The following GPHN variants were observed in gnomAD, a reference collection of about 807,000 sequenced individuals.
GPHN encodes gephyrin.
Under a neutral mutation model 95.5 loss-of-function variants are expected in GPHN, and 17 were observed. That is an observed-to-expected ratio of 0.18 (90% CI 0.12 to 0.27). GPHN has a LOEUF of 0.27. GPHN is among the 10% of genes least tolerant of loss of function. The pLI is 1.00. For missense variants in GPHN, 660 were observed against 978.1 expected (o/e 0.67, Z 4.34); for synonymous variants, 320 against 322.5 (o/e 0.99, Z 0.08).
chr14:66,816,334 AAAC>A (rs1484733672), intron 3 of GPHN, among the ~76,000 whole-genome samples: 7 of 152,182 alleles, frequency 4.6e-5, no homozygotes, highest in African/African-American at 1.4e-4. Flanking sequence ...CTCCACGTAA[AAAC>A]AACAGAATTT....
At chr14:67,409,348 G>T in the GPHN span, among the ~76,000 whole-genome samples, 1 of 152,164 alleles carries the variant, frequency 6.6e-6, no homozygotes, top group Non-Finnish European at 1.5e-5. Context: ...TTTGAGACCA[G>T]CCTGGGCAAC....
At chr14:66,590,198 A>C (rs929085285) in intron 1 of GPHN, among the ~76,000 whole-genome samples, 2 of 152,178 alleles carry the variant, frequency 1.3e-5, no homozygotes, top group African/African-American at 2.4e-5. Flanking sequence ...AATTTATAGC[A>C]CTAAATGCCC....
chr14:67,204,881 C>T, the GPHN span: 1 of 1,613,936 alleles, frequency 6.2e-7, no homozygotes, highest in Non-Finnish European at 8.5e-7. Context: ...ATAGATTTCC[C>T]AGAATTCACA....
At chr14:66,966,477 A>G (rs2069336092) in intron 9 of GPHN, among the ~76,000 whole-genome samples, 1 of 152,066 alleles carries the variant, frequency 6.6e-6, no homozygotes, top group East Asian at 1.9e-4. Flanking sequence ...AACATTGTAG[A>G]CATTAAATGT....
At chr14:67,015,363 T>G (rs1024465137) in intron 9 of GPHN, among the ~76,000 whole-genome samples, 1 of 152,094 alleles carries the variant, frequency 6.6e-6, no homozygotes, top group African/African-American at 2.4e-5. Flanking sequence ...CTTATAAATA[T>G]TGTCTATTTG....
At chr14:67,338,486 T>TA in the GPHN span, 1 of 946,690 alleles carries the variant, frequency 1.1e-6, no homozygotes, top group African/African-American at 1.7e-5. Context: ...ATCCCATAAA[T>TA]AGACATCTAG....
the GPHN span, among the ~76,000 whole-genome samples, chr14:67,322,532 A>C: frequency 3.3e-5 from 5 of 152,202 alleles, no homozygotes; most frequent in Non-Finnish European, 7.3e-5. Context: ...AGAGATGTAC[A>C]TAAAGGAGAA....
At chr14:66,968,223 G>A (rs1567162974) in intron 9 of GPHN, among the ~76,000 whole-genome samples, 1 of 151,922 alleles carries the variant, frequency 6.6e-6, no homozygotes, top group Non-Finnish European at 1.5e-5. Context: ...ATACTGGGTA[G>A]ACAATAATGT....
the GPHN span, among the ~76,000 whole-genome samples, chr14:67,500,523 C>G: frequency 6.6e-6 from 1 of 151,802 alleles, no homozygotes. Context: ...CTTTAGATTC[C>G]TTTATTGTGC....
the GPHN span, among the ~76,000 whole-genome samples, chr14:67,240,912 A>G: frequency 6.6e-6 from 1 of 152,274 alleles, no homozygotes; most frequent in Non-Finnish European, 1.5e-5. Context: ...TTTAAAAAAA[A>G]CAAATGTTAG....
At chr14:67,097,650 A>G (rs2077467024) in intron 12 of GPHN, among the ~76,000 whole-genome samples, 1 of 152,030 alleles carries the variant, frequency 6.6e-6, no homozygotes, top group African/African-American at 2.4e-5. Flanking sequence ...ATGACTCTCC[A>G]GTGTAGCTCA....
chr14:66,573,504 GCA>G (rs931842945), intron 1 of GPHN, among the ~76,000 whole-genome samples: 2 of 149,844 alleles, frequency 1.3e-5, no homozygotes, highest in Non-Finnish European at 3.0e-5. Flanking sequence ...CCAGGCTGGA[GCA>G]CAGTGGTGCG....
At chr14:66,589,122 C>T (rs2061538515) in intron 1 of GPHN, among the ~76,000 whole-genome samples, 1 of 152,102 alleles carries the variant, frequency 6.6e-6, no homozygotes, top group South Asian at 2.1e-4. Flanking sequence ...AATTGCATAT[C>T]CAGCCAAATT....
the GPHN span, among the ~76,000 whole-genome samples, chr14:67,575,196 C>A: frequency 6.6e-6 from 1 of 152,078 alleles, no homozygotes; most frequent in Non-Finnish European, 1.5e-5. Flanking sequence ...CTGAATAGCC[C>A]ATGATGGCTG....
intron 9 of GPHN, among the ~76,000 whole-genome samples, chr14:66,983,896 C>T (rs2070849912): frequency 6.6e-6 from 1 of 152,130 alleles, no homozygotes; most frequent in Non-Finnish European, 1.5e-5. Context: ...AATTTTTTTC[C>T]ATCCCATATA....
the GPHN span, among the ~76,000 whole-genome samples, chr14:67,491,864 C>G: frequency 6.6e-6 from 1 of 152,282 alleles, no homozygotes; most frequent in Non-Finnish European, 1.5e-5. Context: ...CTGTCCAGCT[C>G]CCCCAGGAAG....
chr14:66,991,548 G>A (rs189591910), intron 9 of GPHN, among the ~76,000 whole-genome samples: 3 of 150,956 alleles, frequency 2.0e-5, no homozygotes, highest in South Asian at 2.1e-4. Context: ...ACTTTGTTCC[G>A]ATTACCTTGT....
At chr14:66,539,409 C>CTTTTTTTTTTT (rs1000117893) in intron 1 of GPHN, among the ~76,000 whole-genome samples, 8 of 101,812 alleles carry the variant, frequency 7.9e-5, no homozygotes, top group East Asian at 3.0e-4. Flanking sequence ...TTTCTACTTT[C>CTTTTTTTTTTT]TTTTTTTTTT....
At chr14:67,642,377 C>G in the GPHN span, 2 of 1,612,838 alleles carry the variant, frequency 1.2e-6, no homozygotes, top group Non-Finnish European at 1.7e-6. Context: ...AGCTGGGAGC[C>G]AGGCGTGGTG....
Sources: gnomAD v4.1 joint callset for allele counts (sites outside exome capture counted in the v4.1 genomes callset) on GRCh38, gnomAD v4.1.1 for gene constraint, MANE v1.5 for transcripts, NCBI Gene and HGNC (gene_info 2026-07-23, HGNC 2026-07-21) for gene names.